Variants in STAB1 observed in about 807,000 individuals in gnomAD.
STAB1 encodes the protein stabilin 1.
Under a neutral mutation model 332.4 loss-of-function variants are expected in STAB1, and 250 were observed. That is an observed-to-expected ratio of 0.75 (90% CI 0.68 to 0.84). The LOEUF (loss-of-function observed/expected upper bound fraction) is 0.84. Ranked by LOEUF, STAB1 falls within the 40% of genes least tolerant of loss-of-function variation. The probability of loss-of-function intolerance (pLI) is 0.00; values close to 1 mark genes in which losing one functional copy is unlikely to be tolerated. For missense variants in STAB1, 3,249 were observed against 3,489.7 expected (o/e 0.93, Z 1.74); for synonymous variants, 1,475 against 1,390.4 (o/e 1.06, Z -1.35).
intron 17 of STAB1, among the ~76,000 whole-genome samples, 185 bp from the exon 18 acceptor site, chr3:52,506,507 C>T: frequency 6.6e-6 from 1 of 152,232 alleles, no homozygotes; most frequent in South Asian, 2.1e-4. Flanking sequence ...TGGGTAAGGA[C>T]CCGCAGCCTG....
At chr3:52,496,392 T>C (rs1708025889) in intron 1 of STAB1, among the ~76,000 whole-genome samples, 3 of 152,216 alleles carry the variant, frequency 2.0e-5, no homozygotes, top group Non-Finnish European at 4.4e-5. Context: ...ATGGCACAGA[T>C]GGCCAGACTA....
rs2079160379 is a variant in STAB1 at position 52,523,698 on chromosome 3, T to C, written c.7337T>C (p.Met2446Thr). 1.2e-6 allele frequency: 2 copies of C among 1,610,898 alleles called. No individual in the cohort carries two copies. The highest frequency in any genetic ancestry group is 1.7e-6 in the Non-Finnish European group (2 of 1,178,296). ...AGCCGTATCATTGTGTGGGACATCA[T>C]GGCCTTCAATGGCATCATCCATGCT... ...VVSRIIVWDI[M>T]AFNGIIHALA... is the part of the protein sequence containing the mutation. Residue 2446 changes from methionine (M) to threonine (T), a missense_variant, in exon 66 of 69, where the codon ATG becomes ACG. Met to Thr is a moderately conservative substitution (Grantham distance 81). Transcript: ENST00000321725.
At chr3:52,519,200 CAGGCCCCGA>C in intron 48 of STAB1, 55 bp from the exon 49 acceptor site, 5 of 1,566,392 alleles carry the variant, frequency 3.2e-6, no homozygotes, top group Non-Finnish European at 1.7e-6. Flanking sequence ...ACCTCCACCT[CAGGCCCCGA>C]TAGCTTCCGA....
Position 52,514,380 on chromosome 3 carries a change from C to T in STAB1, c.3562C>T (p.Arg1188Trp), listed in dbSNP as rs367750960. 8.4e-6 allele frequency: 13 copies of T among 1,547,744 alleles called. No homozygotes were observed. The highest frequency in any genetic ancestry group is 2.7e-5 in the African/African-American group (2 of 73,064). ...NSSHLDADTV[R>W]HHVVLGEALS... ...TCTCTTCCAGGACGCAGACACAGTG[C>T]GGCACCATGTGGTCCTGGGGGAGGC... The change falls in exon 34 of 69, where the codon CGG becomes TGG. Residue 1188 changes from arginine to tryptophan, a missense_variant. By Grantham distance (101) the Arg-to-Trp change is moderately radical (BLOSUM62 -3). Transcript: ENST00000321725.
intron 10 of STAB1, 32 bp from the exon 11 acceptor site, chr3:52,504,429 C>G (rs1362661973): frequency 1.2e-6 from 2 of 1,610,730 alleles, no homozygotes; most frequent in East Asian, 2.2e-5. Flanking sequence ...CTCCCCAGCT[C>G]CCTTCTGATG....
At chr3:52,511,877 A>G in intron 26 of STAB1, 132 bp downstream of exon 26, 1 of 749,986 alleles carries the variant, frequency 1.3e-6, no homozygotes, top group Non-Finnish European at 2.1e-6. Context: ...CTAAACTTCA[A>G]ATCCAACCAT....
At chr3:52,512,309 T>A in intron 26 of STAB1, 32 bp from the exon 27 acceptor site, 1 of 1,606,416 alleles carries the variant, frequency 6.2e-7, no homozygotes, top group South Asian at 1.1e-5. Context: ...CATCTGGTTC[T>A]GAATGGAGGC....
In STAB1 at chr3:52,523,852, TCTCC is replaced by T. The variant is rs766216863; in HGVS notation, c.7396-16_7396-13del. The T allele has an allele frequency of 1.6e-4, 253 of 1,591,396 alleles. No homozygotes were observed. The African/African-American group carries it at 2.5e-3, about 16-fold the overall frequency. ...GGGACAGCTCCCGCCAGGTCAACACTCTCCCTGTTTGTTTGTAGCAGGCAGTGCT... is the reference window on the plus strand; with the variant it reads ...GGGACAGCTCCCGCCAGGTCAACACTCTGTTTGTTTGTAGCAGGCAGTGCT... On this transcript the variant is annotated splice_polypyrimidine_tract_variant and intron_variant, in intron 66 of 68. Transcript: ENST00000321725.
In STAB1 at chr3:52,516,682, C is replaced by T. The variant is rs1343502249; in HGVS notation, c.4287-10C>T. The T allele has an allele frequency of 1.4e-5, 23 of 1,612,328 alleles. No individual in the cohort carries two copies. Among genetic ancestry groups the T allele is most frequent in the Non-Finnish European group, 1.9e-5 (23 of 1,179,930 alleles). On this transcript the variant is annotated splice_polypyrimidine_tract_variant and intron_variant, in intron 40 of 68. Coordinates refer to ENST00000321725, the MANE Select transcript of STAB1 (RefSeq NM_015136.3). The stretch of plus-strand genomic sequence containing the variant: ...GGCATGGGCTAAGCTGCTGCTACCA[C>T]CCCTCCCAGCTGCGTGCAGGACTCG...
rs535765646 is a variant in STAB1, at chr3:52,507,262, T to C, written c.1990-351T>C. ...ATTTCACCATGTTGGCCAGGCTGGTTTCAAACCTCTGACCTCAGGTGATCC... is the reference window on the plus strand; with the variant it reads ...ATTTCACCATGTTGGCCAGGCTGGTCTCAAACCTCTGACCTCAGGTGATCC... On this transcript the variant is annotated intron_variant, in intron 18 of 68. Transcript: ENST00000321725. Among the ~76,000 whole-genome samples the C allele has an allele frequency of 1.5e-4, 23 of 152,238 alleles. No individual in the cohort carries two copies. The South Asian group carries it at 4.4e-3, about 29-fold the overall frequency.
rs1175886815 is a variant in STAB1, at chr3:52,523,961, G to C, written c.7486G>C (p.Ala2496Pro). 1 of 1,611,454 alleles carries C rather than the reference G, an allele frequency of 6.2e-7. No individual in the cohort carries two copies. The highest frequency in any genetic ancestry group is 8.5e-7 in the Non-Finnish European group (1 of 1,179,930). Residue 2496 changes from alanine (A) to proline (P), a missense_variant, in exon 67 of 69, where the codon GCT (alanine) becomes CCT (proline). Ala to Pro is a conservative substitution (Grantham distance 27). Transcript: ENST00000321725. ...AGCACTGCTTGGCTTGGTGGCCGGA[G>C]CTCTCTACCTCCGTGCCCGAGGCAA... is the stretch of plus-strand genomic sequence containing the variant. ...AGALLGLVAG[A>P]LYLRARGKPM... is the part of the protein sequence containing the mutation.
At chr3:52,521,571 T>C in intron 56 of STAB1, 25 bp from the exon 57 acceptor site, 1 of 1,613,274 alleles carries the variant, frequency 6.2e-7, no homozygotes, top group African/African-American at 1.3e-5. Flanking sequence ...CCAATCTTTA[T>C]CTTCCTGCCT....
rs1482638486 is a variant in STAB1 at position 52,518,739 on chromosome 3, T to A, written c.4904T>A (p.Ile1635Asn). ...CTGCTCCAGGATGAGCTGGCCCGGA[T>A]TCGTGCGCATCGCCAGCTGGTGTTT... is the stretch of plus-strand genomic sequence containing the variant. Reference protein sequence around the residue: ...SNLSQDELARIRAHRQLVFRY... With the variant: ...SNLSQDELARNRAHRQLVFRY... Residue 1635 changes from isoleucine to asparagine, a missense_variant, in exon 48 of 69, where the codon ATT becomes AAT. Physicochemically the swap from Ile to Asn is moderately radical, Grantham distance 149. Coordinates refer to ENST00000321725, the MANE Select transcript of STAB1 (RefSeq NM_015136.3). 1.2e-6 allele frequency: 2 copies of A among 1,612,418 alleles called. No individual in the cohort carries two copies. Among genetic ancestry groups the A allele is most frequent in the Middle Eastern group, 1.6e-4 (1 of 6,078 alleles).
chr3:52,508,447 A>C (rs933111299), intron 21 of STAB1, 88 bp downstream of exon 21: 4 of 1,278,610 alleles, frequency 3.1e-6, no homozygotes, highest in African/African-American at 2.9e-5. Flanking sequence ...TGTCTGGGCC[A>C]AGCCTGCCAC....
In STAB1 at chr3:52,519,523, G is replaced by A. The variant is rs779809005; in HGVS notation, c.5194G>A (p.Ala1732Thr). Residue 1732 changes from alanine to threonine, a missense_variant, in exon 50 of 69, where the codon GCC (alanine) becomes ACC (threonine). Coordinates refer to ENST00000321725, the MANE Select transcript of STAB1 (RefSeq NM_015136.3). ...PIPRRNVTAA[A>T]QGFGYKIFSG... ...TCCTCAGAGAAATGTCACCGCCGCCGCCCAGGGCTTCGGTTACAAGATCTT... is the reference window on the plus strand; with the variant it reads ...TCCTCAGAGAAATGTCACCGCCGCCACCCAGGGCTTCGGTTACAAGATCTT... 35 of 1,613,166 alleles carry A rather than the reference G, an allele frequency of 2.2e-5. No individual in the cohort carries two copies. Among genetic ancestry groups the A allele is most frequent in the Non-Finnish European group, 2.7e-5 (32 of 1,180,008 alleles).
At position 52,521,719 on chromosome 3, in the gene STAB1, G is replaced by A. The variant is rs767939635; in HGVS notation, c.6163+19G>A. 4.5e-5 allele frequency: 73 copies of A among 1,611,732 alleles called. No homozygotes were observed. The highest frequency in any genetic ancestry group is 1.0e-4 in the Admixed American group (6 of 59,820). On this transcript the variant is annotated intron_variant, in intron 57 of 68. Transcript: ENST00000321725. ...CAACTGGGTGAGTAGCCCCGTGCTC[G>A]TGCCCACCCTACACACTTGTGTACA...
At position 52,518,534 on chromosome 3, in the gene STAB1, A is replaced by G; in HGVS notation, c.4810-2A>G. On this transcript the variant is annotated splice_acceptor_variant, in intron 46 of 68. Coordinates refer to ENST00000321725, the MANE Select transcript of STAB1 (RefSeq NM_015136.3). LOFTEE classifies it high-confidence loss of function. ...CACTCATGCTGTTGCTGCCTCCCGCAGGAATATAAGGAGCTCAAGGGCGAT... is the reference window on the plus strand; with the variant it reads ...CACTCATGCTGTTGCTGCCTCCCGCGGGAATATAAGGAGCTCAAGGGCGAT... 6.3e-7 allele frequency: 1 copy of G among 1,584,408 alleles called. No individual in the cohort carries two copies. Among genetic ancestry groups the G allele is most frequent in the Non-Finnish European group, 8.6e-7 (1 of 1,164,752 alleles).
Position 52,503,440 on chromosome 3 carries a change from A to G in STAB1, c.791A>G (p.His264Arg). The G allele has an allele frequency of 6.2e-7, 1 of 1,613,792 alleles. No homozygotes were observed. Among genetic ancestry groups the G allele is most frequent in the Non-Finnish European group, 8.5e-7 (1 of 1,180,020 alleles). The change falls in exon 8 of 69, where the codon CAT (histidine) becomes CGT (arginine). Residue 264 changes from histidine (H) to arginine (R), a missense_variant. Transcript: ENST00000321725. ...QAQCHCPENY[H>R]GDGMVCLPKD... ...CAGTGTCACTGCCCTGAGAACTACC[A>G]TGGCGATGGGATGGTGTGTCTGCCC...
At chr3:52,511,822 C>G (rs1709321327) in intron 26 of STAB1, 77 bp downstream of exon 26, 1 of 1,199,874 alleles carries the variant, frequency 8.3e-7, no homozygotes, top group Admixed American at 2.5e-5. Flanking sequence ...CCCTCCCTCC[C>G]CATCTCTGGG....
Sources: allele counts gnomAD v4.1 joint callset (sites outside exome capture counted in the v4.1 genomes callset), GRCh38; gene constraint gnomAD v4.1.1; transcripts MANE v1.5; gene names NCBI Gene and HGNC (gene_info 2026-07-23, HGNC 2026-07-21).